Variants in SMOC2 observed in about 807,000 individuals in gnomAD.
SMOC2 encodes SPARC-related modular calcium-binding protein 2.
A neutral mutation model predicts 61.4 loss-of-function variants in SMOC2; 39 were observed. That is an observed-to-expected ratio of 0.64 (90% CI 0.49 to 0.83). The LOEUF (loss-of-function observed/expected upper bound fraction) is 0.83. Ranked by LOEUF, SMOC2 falls within the 40% of genes least tolerant of loss-of-function variation. The probability of loss-of-function intolerance (pLI) is 0.00; values close to 1 mark genes in which losing one functional copy is unlikely to be tolerated. For synonymous variants in SMOC2, 247 were observed against 239.9 expected (o/e 1.03, Z -0.27); for missense variants, 556 against 592.9 (o/e 0.94, Z 0.65).
chr6:168,443,908 T>C (rs552389670), intron 1 of SMOC2, among the ~76,000 whole-genome samples: 1 of 152,336 alleles, frequency 6.6e-6, no homozygotes. Flanking sequence ...ATCTGTAAAA[T>C]GAGAATACAT....
At chr6:168,542,118 T>C (rs138811705) in intron 4 of SMOC2, among the ~76,000 whole-genome samples, 95 of 152,338 alleles carry the variant, frequency 6.2e-4, no homozygotes, top group African/African-American at 2.1e-3. Flanking sequence ...GAAAATACTT[T>C]TTGCCTCTTT....
At chr6:168,489,567 C>T (rs935917167) in intron 1 of SMOC2, among the ~76,000 whole-genome samples, 113 of 142,596 alleles carry the variant, frequency 7.9e-4, no homozygotes, top group African/African-American at 2.9e-3. Flanking sequence ...GTCTGGGTCC[C>T]CTTGGATCAC....
At chr6:168,570,372 C>T (rs1456403577) in intron 7 of SMOC2, among the ~76,000 whole-genome samples, 1 of 152,026 alleles carries the variant, frequency 6.6e-6, no homozygotes, top group Admixed American at 6.5e-5. Context: ...CAGGCTGAGG[C>T]CCACCGCGGG....
In SMOC2 at chr6:168,475,726, C is replaced by T. The variant is rs1052052056; in HGVS notation, c.85-34189C>T. ...CCTGGTGTGGGTCGAGGACACTGCTCGGCGTTAGAAGAAGAAGTAGTGAAG... is the reference window on the plus strand; with the variant it reads ...CCTGGTGTGGGTCGAGGACACTGCTTGGCGTTAGAAGAAGAAGTAGTGAAG... On this transcript the variant is annotated intron_variant, in intron 1 of 12. Transcript: ENST00000356284. This position sits in a 1 kb window ranked among gnomAD's most constrained non-coding sequence, Gnocchi z 4.6. Among the ~76,000 whole-genome samples, 12 of 151,700 alleles carry T rather than the reference C, an allele frequency of 7.9e-5. No homozygotes were observed. The highest frequency in any genetic ancestry group is 2.7e-4 in the African/African-American group (11 of 41,276).
chr6:168,627,338 A>T (rs1472222720), intron 9 of SMOC2, among the ~76,000 whole-genome samples: 2 of 152,200 alleles, frequency 1.3e-5, no homozygotes, highest in Admixed American at 6.5e-5. Context: ...CTGTTATGTT[A>T]GAGGCACAGG....
chr6:168,652,764 A>G (rs549015830), intron 10 of SMOC2, among the ~76,000 whole-genome samples, 190 bp from the exon 11 acceptor site: 1 of 152,282 alleles, frequency 6.6e-6, no homozygotes, highest in South Asian at 2.1e-4. Flanking sequence ...TCCAACCTGA[A>G]AAATCTTTGC....
intron 5 of SMOC2, 116 bp downstream of exon 5, chr6:168,543,788 A>C: frequency 2.1e-6 from 2 of 930,912 alleles, no homozygotes; most frequent in Non-Finnish European, 3.3e-6. Context: ...GAGCCGAACC[A>C]GTTTGTTACT....
In SMOC2 at chr6:168,664,384, C is replaced by CTTTTTTTTTTTTTTTTTTTTT. The variant is rs750178882; in HGVS notation, c.1323+285_1323+305dup. 5 of 283,094 alleles carry CTTTTTTTTTTTTTTTTTTTTT rather than the reference C, an allele frequency of 1.8e-5. No homozygotes were observed. The African/African-American group carries it at 2.0e-4, about 11-fold the overall frequency. The allele number at this position is 283,094 out of a possible 1,614,324, so 17.5% of individuals were successfully genotyped here. A position where few individuals can be genotyped will look rare whatever the true frequency, so the allele number is the denominator to read the frequency against. On this transcript the variant is annotated intron_variant, in intron 12 of 12. Coordinates refer to ENST00000356284, the MANE Select transcript of SMOC2 (RefSeq NM_001166412.2). Reference sequence around the variant, plus strand: ...TTCTGAGTTTCCTTGTTTGGTAGATCTTTTTTTTTTTTTTTTTTTTTTTTT... The same window carrying CTTTTTTTTTTTTTTTTTTTTT: ...TTCTGAGTTTCCTTGTTTGGTAGATCTTTTTTTTTTTTTTTTTTTTTTTTTTTTTTTTTTTTTTTTTTTTTT...
chr6:168,511,077 T>G (rs2749261), intron 2 of SMOC2, among the ~76,000 whole-genome samples: 136,308 of 152,162 alleles, frequency 0.9, 61,972 homozygotes, highest in East Asian at 1. Flanking sequence ...ATGACTGATG[T>G]TCAGTAATGA....
intron 11 of SMOC2, among the ~76,000 whole-genome samples, chr6:168,658,110 G>A (rs945898053): frequency 6.6e-6 from 1 of 152,210 alleles, no homozygotes; most frequent in Admixed American, 6.5e-5. Flanking sequence ...GGGAGATGGA[G>A]AGCAGGTGGC....
At chr6:168,653,351 C>T in intron 11 of SMOC2, 123 bp downstream of exon 11, 1 of 1,157,362 alleles carries the variant, frequency 8.6e-7, no homozygotes. Flanking sequence ...ATCAAATATG[C>T]TGTTTAATTG....
intron 7 of SMOC2, among the ~76,000 whole-genome samples, chr6:168,552,890 C>T (rs979956224): frequency 1.1e-4 from 17 of 150,804 alleles, no homozygotes; most frequent in Admixed American, 4.0e-4. Context: ...GGTGGCCCCT[C>T]ACTGTCCTCC....
chr6:168,479,940 A>G (rs1306865205), intron 1 of SMOC2, among the ~76,000 whole-genome samples: 2 of 152,084 alleles, frequency 1.3e-5, no homozygotes, highest in Non-Finnish European at 2.9e-5. Flanking sequence ...AGACTAGGAC[A>G]CTCAGAAGCA....
chr6:168,610,187 G>A (rs1380172131), intron 9 of SMOC2, among the ~76,000 whole-genome samples: 1 of 152,190 alleles, frequency 6.6e-6, no homozygotes, highest in Non-Finnish European at 1.5e-5. Context: ...CAGAAACCAT[G>A]CTCCTCTCTG....
chr6:168,496,752 C>G (rs1034671916), intron 1 of SMOC2, among the ~76,000 whole-genome samples: 2 of 152,216 alleles, frequency 1.3e-5, no homozygotes, highest in Non-Finnish European at 2.9e-5. Context: ...GCACTGTGCA[C>G]CTCAGCGTGG....
intron 7 of SMOC2, among the ~76,000 whole-genome samples, chr6:168,559,475 A>AAAAATAAAAT (rs143424043): frequency 1.0e-3 from 155 of 150,242 alleles, no homozygotes; most frequent in South Asian, 6.8e-3. Context: ...AAATAAAAAT[A>AAAAATAAAAT]AAAATAAAAT....
At chr6:168,443,276 A>G (rs979984480) in intron 1 of SMOC2, among the ~76,000 whole-genome samples, 33 of 152,184 alleles carry the variant, frequency 2.2e-4, no homozygotes, top group African/African-American at 8.0e-4. Flanking sequence ...TAATTAGAAC[A>G]GTTTAAGACT....
chr6:168,592,354 T>C (rs991128877), intron 7 of SMOC2, among the ~76,000 whole-genome samples: 3 of 131,976 alleles, frequency 2.3e-5, no homozygotes, highest in African/African-American at 8.1e-5. Flanking sequence ...CTCCTCCTCC[T>C]TCCTGAGGCC....
At chr6:168,520,609 T>C (rs1433205647) in intron 2 of SMOC2, among the ~76,000 whole-genome samples, 1 of 152,224 alleles carries the variant, frequency 6.6e-6, no homozygotes, top group Non-Finnish European at 1.5e-5. Flanking sequence ...AGCTAGCTGC[T>C]CCTTCCATAT....
Sources: gnomAD v4.1 joint callset for allele counts (sites outside exome capture counted in the v4.1 genomes callset) on GRCh38, gnomAD v4.1.1 for gene constraint, Gnocchi (gnomAD v3.1) non-coding constraint, MANE v1.5 for transcripts, NCBI Gene and HGNC (gene_info 2026-07-23, HGNC 2026-07-21) for gene names.